ZBTB44: variants seen among roughly 807,000 people sequenced by gnomAD.
The protein encoded by ZBTB44 is zinc finger and BTB domain-containing protein 44.
Under a neutral mutation model 54.0 loss-of-function variants are expected in ZBTB44, and 15 were observed. The observed-to-expected ratio is 0.28, with a 90% CI of 0.19 to 0.43. The LOEUF (loss-of-function observed/expected upper bound fraction) is 0.43, where lower values mean the gene tolerates loss of function less well. Among genes scored for constraint, ZBTB44 ranks in the 20% least tolerant of loss-of-function variants. The probability of loss-of-function intolerance (pLI) is 1.00; values close to 1 mark genes in which losing one functional copy is unlikely to be tolerated. For synonymous variants in ZBTB44, 230 were observed against 250.1 expected, an observed-to-expected ratio of 0.92 and a Z score of 0.76; for missense variants, 487 against 707.1, an observed-to-expected ratio of 0.69 and a Z score of 3.53.
chr11:130,261,975 T>TA lies in ZBTB44; in HGVS notation c.-56-47dup. 1 of 1,317,214 alleles carries TA rather than the reference T, an allele frequency of 7.6e-7. No individual in the cohort carries two copies. Among genetic ancestry groups the TA allele is most frequent in the Non-Finnish European group, 1.0e-6 (1 of 992,626 alleles). The allele number at this position is 1,317,214 out of a possible 1,614,324, so 81.6% of individuals were successfully genotyped here. ...AGCATTAATTGATATTTTAGTGGTT[T>TA]AAAATGTGATTTAGATCATTTTCAT... On this transcript the variant is annotated intron_variant, in intron 1 of 7. Coordinates refer to ENST00000357899, the MANE Select transcript of ZBTB44 (RefSeq NM_001301098.2). This position sits in a 1 kb window ranked among gnomAD's most constrained non-coding sequence, Gnocchi z 4.8.
intron 1 of ZBTB44, among the ~76,000 whole-genome samples, chr11:130,303,415 C>T (rs1428444707): frequency 1.3e-5 from 2 of 152,188 alleles, no homozygotes; most frequent in Admixed American, 6.5e-5. Context: ...GTGGGTGGAT[C>T]ACCTGAGGCT....
intron 1 of ZBTB44, among the ~76,000 whole-genome samples, chr11:130,263,153 T>C (rs186304825): frequency 2.0e-5 from 3 of 152,340 alleles, no homozygotes; most frequent in African/African-American, 7.2e-5. Context: ...GGATAAGGCA[T>C]AAATCTCTGT....
intron 5 of ZBTB44, chr11:130,236,327 T>C: frequency 4.6e-6 from 5 of 1,082,792 alleles, no homozygotes; most frequent in Non-Finnish European, 5.9e-6. Flanking sequence ...CCCACTATAG[T>C]TGCCTTTGAA....
At chr11:130,304,311 T>C (rs1942152314) in intron 1 of ZBTB44, among the ~76,000 whole-genome samples, 1 of 152,180 alleles carries the variant, frequency 6.6e-6, no homozygotes, top group Non-Finnish European at 1.5e-5. Flanking sequence ...AACGCTTATA[T>C]AGAGTGTATT....
intron 2 of ZBTB44, among the ~76,000 whole-genome samples, chr11:130,260,185 C>T (rs1472852604): frequency 1.3e-5 from 2 of 152,162 alleles, no homozygotes; most frequent in Non-Finnish European, 2.9e-5. Context: ...CTATTCCCTA[C>T]AGTTTCAGGC....
chr11:130,279,232 C>T (rs890153631), intron 1 of ZBTB44, among the ~76,000 whole-genome samples: 5 of 150,876 alleles, frequency 3.3e-5, no homozygotes, highest in Non-Finnish European at 7.4e-5. Flanking sequence ...CGCCCACAGT[C>T]ACCCTGGACT....
Position 130,229,805 on chromosome 11 carries a change from G to T in ZBTB44, c.*1959C>A, listed in dbSNP as rs1953808858. 1 of 152,028 alleles carries T rather than the reference G, an allele frequency of 6.6e-6. No individual in the cohort carries two copies. The highest frequency in any genetic ancestry group is 1.5e-5 in the Non-Finnish European group (1 of 67,980). The allele number at this position is 152,028 out of a possible 1,614,324, so 9.4% of individuals were successfully genotyped here. ...ATCTTACGTCAATAACTTACTTACAGTGAAAACTACATTTATTTATTACCT... is the reference window on the plus strand; with the variant it reads ...ATCTTACGTCAATAACTTACTTACATTGAAAACTACATTTATTTATTACCT... On this transcript the variant is annotated 3_prime_UTR_variant, in exon 8 of 8. Transcript: ENST00000357899.
chr11:130,244,666 G>C, intron 2 of ZBTB44, among the ~76,000 whole-genome samples: 1 of 30,208 alleles, frequency 3.3e-5, no homozygotes, highest in Middle Eastern at 0.017. Context: ...GACTCTGTCT[G>C]GAAAAAAAAA....
intron 7 of ZBTB44, chr11:130,233,037 T>G (rs1953939252): frequency 2.9e-6 from 1 of 349,298 alleles, no homozygotes; most frequent in Non-Finnish European, 5.1e-6. Flanking sequence ...GAATGTAGCC[T>G]CAATAGAGAA....
chr11:130,244,430 G>T (rs2136315604), intron 2 of ZBTB44, among the ~76,000 whole-genome samples: 1 of 152,232 alleles, frequency 6.6e-6, no homozygotes, highest in East Asian at 1.9e-4. Flanking sequence ...CACTTTGGGA[G>T]GCCGACGTGG....
intron 2 of ZBTB44, among the ~76,000 whole-genome samples, chr11:130,252,200 C>T (rs570633650): frequency 1.9e-4 from 29 of 152,164 alleles, no homozygotes; most frequent in South Asian, 8.3e-4. Flanking sequence ...TAATGGCAGA[C>T]GGATCAATGC....
At position 130,261,962 on chromosome 11, in the gene ZBTB44, T is replaced by C. The variant is rs1938892071; in HGVS notation, c.-56-33A>G. On this transcript the variant is annotated intron_variant, in intron 1 of 7. Coordinates refer to ENST00000357899, the MANE Select transcript of ZBTB44 (RefSeq NM_001301098.2). The surrounding 1 kb of genome is among the most constrained non-coding windows in gnomAD (Gnocchi z 4.8). ...ATACATAAAATAAAGCATTAATTGA[T>C]ATTTTAGTGGTTTAAAATGTGATTT... The C allele has an allele frequency of 7.3e-6, 10 of 1,372,128 alleles. No homozygotes were observed. Among genetic ancestry groups the C allele is most frequent in the African/African-American group, 1.5e-5 (1 of 68,526 alleles). 85.0% of individuals were successfully genotyped at this position (1,372,128 alleles called of 1,614,324 possible).
intron 7 of ZBTB44, chr11:130,232,434 G>A (rs372624820): frequency 5.9e-5 from 9 of 152,078 alleles, no homozygotes; most frequent in African/African-American, 2.2e-4. Flanking sequence ...CAAGTCTAGA[G>A]GATCATACAA....
chr11:130,235,967 CAAA>C (rs573886694), intron 5 of ZBTB44: 664 of 599,730 alleles, frequency 1.1e-3, no homozygotes, highest in Middle Eastern at 3.3e-3. Context: ...GACTCCATCT[CAAA>C]AAAAAAAAAA....
At chr11:130,259,449 C>T (rs1311770995) in intron 2 of ZBTB44, among the ~76,000 whole-genome samples, 2 of 152,208 alleles carry the variant, frequency 1.3e-5, no homozygotes, top group South Asian at 2.1e-4. Flanking sequence ...CATCCCATTA[C>T]TGGGTATACA....
intron 1 of ZBTB44, among the ~76,000 whole-genome samples, chr11:130,265,874 T>C (rs1363050620): frequency 6.6e-6 from 1 of 152,148 alleles, no homozygotes; most frequent in Non-Finnish European, 1.5e-5. Flanking sequence ...AGAAGCCATC[T>C]CCATAACATA....
At chr11:130,293,360 G>GCT (rs1478023116) in intron 1 of ZBTB44, among the ~76,000 whole-genome samples, 5 of 150,786 alleles carry the variant, frequency 3.3e-5, no homozygotes, top group Non-Finnish European at 5.9e-5. Flanking sequence ...TGTAGTCCTG[G>GCT]CTACACAAGA....
At chr11:130,235,924 C>T (rs979528700) in intron 5 of ZBTB44, among the ~76,000 whole-genome samples, 1 of 150,362 alleles carries the variant, frequency 6.7e-6, no homozygotes, top group African/African-American at 2.5e-5. Flanking sequence ...AAGCCGAAAT[C>T]GTGCCACTGC....
intron 1 of ZBTB44, among the ~76,000 whole-genome samples, chr11:130,273,911 C>T (rs1189668883): frequency 2.7e-5 from 4 of 150,522 alleles, no homozygotes; most frequent in South Asian, 2.1e-4. Context: ...CGCCCAACCC[C>T]GGCCCATCTA....
Sources: allele counts gnomAD v4.1 joint callset (sites outside exome capture counted in the v4.1 genomes callset), GRCh38; gene constraint gnomAD v4.1.1; non-coding constraint Gnocchi (gnomAD v3.1); transcripts MANE v1.5; gene names NCBI Gene and HGNC (gene_info 2026-07-23, HGNC 2026-07-21).